The following TEX9 variants were observed in gnomAD, a reference collection of about 807,000 sequenced individuals.
TEX9 encodes testis expressed 9, also known as testis-expressed protein 9.
A neutral mutation model predicts 59.6 loss-of-function variants in TEX9; 74 were observed. The observed-to-expected ratio is 1.24, with a 90% CI of 1.03 to 1.51. TEX9 has a LOEUF of 1.51. Ranked by LOEUF, TEX9 falls within the 40% of genes most tolerant of loss-of-function variation. The pLI, the probability that TEX9 is intolerant of heterozygous loss-of-function variation, is 0.00. For missense variants in TEX9, 522 were observed against 447.8 expected (o/e 1.17, Z -1.49); for synonymous variants, 186 against 152.2 (o/e 1.22, Z -1.64).
intron 3 of TEX9, among the ~76,000 whole-genome samples, chr15:56,378,610 C>A (rs1433901423): frequency 1.3e-5 from 2 of 151,636 alleles, no homozygotes; most frequent in Admixed American, 6.6e-5. Flanking sequence ...GGTCATCTCC[C>A]TTATTTTGTT....
intron 12 of TEX9, chr15:56,434,425 T>G (rs1444796835): frequency 1.3e-6 from 2 of 1,583,056 alleles, no homozygotes; most frequent in East Asian, 4.5e-5. Context: ...GTTAATTTAG[T>G]AACTATTTCC....
At chr15:56,270,397 G>A (rs2044499128) in intron 1 of TEX9, among the ~76,000 whole-genome samples, 2 of 152,160 alleles carry the variant, frequency 1.3e-5, no homozygotes, top group Admixed American at 6.5e-5. Flanking sequence ...TTACCATTAT[G>A]TAATGGCCTT....
At chr15:56,344,609 G>A (rs923585609) in intron 1 of TEX9, among the ~76,000 whole-genome samples, 24 of 151,964 alleles carry the variant, frequency 1.6e-4, no homozygotes, top group Non-Finnish European at 4.4e-5. Context: ...AAAACTCTGT[G>A]AAAAACCACA....
intron 1 of TEX9, among the ~76,000 whole-genome samples, chr15:56,309,203 C>T (rs77047749): frequency 2.6e-5 from 4 of 152,090 alleles, no homozygotes; most frequent in Non-Finnish European, 4.4e-5. Flanking sequence ...GGTTTTTTAT[C>T]GATGGTCTTT....
chr15:56,440,315 C>T (rs2050797015), intron 12 of TEX9, among the ~76,000 whole-genome samples: 1 of 152,150 alleles, frequency 6.6e-6, no homozygotes, highest in Non-Finnish European at 1.5e-5. Context: ...TGTGTTAACA[C>T]CAAATGCTGG....
chr15:56,350,485 C>CTACA (rs1415755642), intron 1 of TEX9, among the ~76,000 whole-genome samples: 13 of 152,106 alleles, frequency 8.5e-5, no homozygotes. Flanking sequence ...TGGTAAGGGG[C>CTACA]TACATAAGAA....
chr15:56,263,087 G>A (rs902812851), intron 1 of TEX9, among the ~76,000 whole-genome samples: 2 of 152,016 alleles, frequency 1.3e-5, no homozygotes, highest in African/African-American at 2.4e-5. Flanking sequence ...GCAGTGGTAC[G>A]ATCATGGCTC....
At chr15:56,372,960 T>C (rs1452755026) in intron 2 of TEX9, among the ~76,000 whole-genome samples, 15 of 152,124 alleles carry the variant, frequency 9.9e-5, no homozygotes, top group Admixed American at 8.5e-4. Flanking sequence ...TGAGCCACGT[T>C]GGGTCTGCTC....
chr15:56,323,787 GA>G, intron 1 of TEX9: 1 of 203,858 alleles, frequency 4.9e-6, no homozygotes, highest in Admixed American at 4.4e-5. Context: ...GGGGGAGGGG[GA>G]AGAGGAAGAA....
At chr15:56,261,417 A>T (rs1411862824) in intron 1 of TEX9, among the ~76,000 whole-genome samples, 7 of 152,040 alleles carry the variant, frequency 4.6e-5, no homozygotes, top group African/African-American at 1.7e-4. Flanking sequence ...ACCAAAAAAT[A>T]ATAATATAAT....
At chr15:56,443,278 CT>C in intron 12 of TEX9, 1 of 497,536 alleles carries the variant, frequency 2.0e-6, no homozygotes, top group Non-Finnish European at 3.3e-6. Context: ...TTTTAGCCAG[CT>C]TGAAAATTTC....
chr15:56,454,919 CA>C, the TEX9 span, among the ~76,000 whole-genome samples: 1 of 152,090 alleles, frequency 6.6e-6, no homozygotes, highest in African/African-American at 2.4e-5. Context: ...GTAAAACACA[CA>C]CTAAAGTGCA....
Position 56,443,782 on chromosome 15 carries a change from A to C in TEX9, c.*30-1889A>C, listed in dbSNP as rs147361221. 8.4e-4 allele frequency: 1,357 copies of C among 1,612,630 alleles called. No homozygotes were observed. Among genetic ancestry groups the C allele is most frequent in the Non-Finnish European group, 1.1e-3 (1,308 of 1,179,550 alleles). On this transcript the variant is annotated intron_variant, in intron 12 of 12. Coordinates refer to ENST00000352903, the Ensembl canonical transcript of TEX9. Reference sequence around the variant, plus strand: ...CCTCACGTTTCTTTTTTCTCCAGAGAGCCTGCTCTTTCTGAAACTCTTCTA... The same window carrying C: ...CCTCACGTTTCTTTTTTCTCCAGAGCGCCTGCTCTTTCTGAAACTCTTCTA...
intron 9 of TEX9, among the ~76,000 whole-genome samples, chr15:56,403,912 G>A (rs1596194360): frequency 6.6e-6 from 1 of 152,176 alleles, no homozygotes; most frequent in South Asian, 2.1e-4. Flanking sequence ...ATGGTGTTAG[G>A]AAAACTGGCT....
chr15:56,379,781 A>T (rs546336493), intron 3 of TEX9, among the ~76,000 whole-genome samples: 1 of 151,452 alleles, frequency 6.6e-6, no homozygotes, highest in Non-Finnish European at 1.5e-5. Flanking sequence ...CCTCTTTAGC[A>T]TTATATAATG....
At chr15:56,388,606 G>A in intron 5 of TEX9, 86 bp downstream of exon 5, 1 of 1,116,796 alleles carries the variant, frequency 9.0e-7, no homozygotes, top group Non-Finnish European at 1.4e-6. Flanking sequence ...AAGCAGAGAA[G>A]GGGTATGACT....
intron 1 of TEX9, among the ~76,000 whole-genome samples, chr15:56,307,865 T>A (rs1460863627): frequency 5.9e-5 from 9 of 152,224 alleles, no homozygotes; most frequent in African/African-American, 1.9e-4. Flanking sequence ...CATCTTTAAC[T>A]TAGTCTAATA....
chr15:56,302,245 T>A (rs546641645), intron 1 of TEX9, among the ~76,000 whole-genome samples: 1 of 152,006 alleles, frequency 6.6e-6, no homozygotes. Context: ...CCCACCACTT[T>A]GTGAGGCCAA....
At chr15:56,324,717 G>A (rs1426978648) in intron 1 of TEX9, among the ~76,000 whole-genome samples, 1 of 152,122 alleles carries the variant, frequency 6.6e-6, no homozygotes, top group Non-Finnish European at 1.5e-5. Flanking sequence ...AGCTACTTAG[G>A]ATGGATTTTG....
Sources: allele counts gnomAD v4.1 joint callset (sites outside exome capture counted in the v4.1 genomes callset), GRCh38; gene constraint gnomAD v4.1.1; transcripts MANE v1.5; gene names NCBI Gene and HGNC (gene_info 2026-07-23, HGNC 2026-07-21).